GRK5: variants seen among roughly 807,000 people sequenced by gnomAD.
The protein encoded by GRK5 is G protein-coupled receptor kinase 5.
GRK5 carries 40 observed loss-of-function variants against 78.4 expected under a neutral mutation model. The observed-to-expected ratio is 0.51, with a 90% CI of 0.40 to 0.66. The LOEUF is 0.66. Ranked by LOEUF, GRK5 falls within the 30% of genes least tolerant of loss-of-function variation. The pLI, the probability that GRK5 is intolerant of heterozygous loss-of-function variation, is 0.00. For missense variants in GRK5, 598 were observed against 759.9 expected, an observed-to-expected ratio of 0.79 and a Z score of 2.50; for synonymous variants, 289 against 296.8, an observed-to-expected ratio of 0.97 and a Z score of 0.27.
chr10:119,292,595 G>A (rs1047833484), intron 1 of GRK5, among the ~76,000 whole-genome samples: 1 of 152,206 alleles, frequency 6.6e-6, no homozygotes. Context: ...GAGGGACAAG[G>A]CTCTCCAATC....
In GRK5 at chr10:119,457,161, A is replaced by C. The variant is rs967911163; in HGVS notation, c.*2094A>C. The C allele has an allele frequency of 6.6e-6, 1 of 152,084 alleles. No individual in the cohort carries two copies. Among genetic ancestry groups the C allele is most frequent in the Non-Finnish European group, 1.5e-5 (1 of 68,002 alleles). The allele number at this position is 152,084 out of a possible 1,614,324, so 9.4% of individuals were successfully genotyped here. A position where few individuals can be genotyped will look rare whatever the true frequency, so the allele number is the denominator to read the frequency against. ...CTTGCTGAACTTCCTTTTTCAATGA[A>C]AAGAAGGACCATCATCCTAGGATGG... On this transcript the variant is annotated 3_prime_UTR_variant, in exon 16 of 16. Coordinates refer to ENST00000392870, the MANE Select transcript of GRK5 (RefSeq NM_005308.3).
rs193159977 is a variant in GRK5 at position 119,383,686 on chromosome 10, C to T, written c.261+2759C>T. On this transcript the variant is annotated intron_variant, in intron 3 of 15. Coordinates refer to ENST00000392870, the MANE Select transcript of GRK5 (RefSeq NM_005308.3). ...AGTCATTATCCTGACTGATGCTCATCGTCTCATCAGTGGCTAGTGGGGGCC... is the reference window on the plus strand; with the variant it reads ...AGTCATTATCCTGACTGATGCTCATTGTCTCATCAGTGGCTAGTGGGGGCC... 1.7e-3 allele frequency among the ~76,000 whole-genome samples: 261 copies of T among 152,328 alleles called. 1 individual carries two copies. The highest frequency in any genetic ancestry group is 0.014 in the Middle Eastern group (4 of 294).
At position 119,244,823 on chromosome 10, in the gene GRK5, CTTG is replaced by C. The variant is rs202133748; in HGVS notation, c.52+36858_52+36860del. 4.7e-4 allele frequency among the ~76,000 whole-genome samples: 72 copies of C among 152,266 alleles called. No homozygotes were observed. In the East Asian group the frequency reaches 0.013, roughly 28 times the overall value. On this transcript the variant is annotated intron_variant, in intron 1 of 15. Transcript: ENST00000392870. The stretch of plus-strand genomic sequence containing the variant: ...ATATTATAATAAAAACAAAAAATAA[CTTG>C]TTGATGAAGATGTGGAGAAATGGGA...
chr10:119,302,297 T>C (rs1366131700), intron 1 of GRK5, among the ~76,000 whole-genome samples: 1 of 152,230 alleles, frequency 6.6e-6, no homozygotes, highest in East Asian at 1.9e-4. Flanking sequence ...AAAATGTGAC[T>C]TTGTGCAAGT....
At chr10:119,365,752 G>A (rs1332334574) in intron 2 of GRK5, among the ~76,000 whole-genome samples, 1 of 152,208 alleles carries the variant, frequency 6.6e-6, no homozygotes, top group East Asian at 1.9e-4. Flanking sequence ...CTATGACTAT[G>A]TTCCCCTCAA....
At chr10:119,347,602 G>A (rs1851118974) in intron 2 of GRK5, among the ~76,000 whole-genome samples, 1 of 152,268 alleles carries the variant, frequency 6.6e-6, no homozygotes, top group East Asian at 1.9e-4. Flanking sequence ...CTGGAGACAA[G>A]GCCGGGACGG....
chr10:119,418,117 G>T (rs1052482427), intron 4 of GRK5, among the ~76,000 whole-genome samples: 4 of 152,208 alleles, frequency 2.6e-5, no homozygotes, highest in Non-Finnish European at 5.9e-5. Context: ...GGCAGCCTTG[G>T]CTCCCCTGGC....
At chr10:119,454,595 C>T (rs949810916) in intron 15 of GRK5, among the ~76,000 whole-genome samples, 3 of 152,188 alleles carry the variant, frequency 2.0e-5, no homozygotes, top group Admixed American at 6.5e-5. Context: ...CCACCCTGTG[C>T]GGAAGCTGCT....
At position 119,443,732 on chromosome 10, in the gene GRK5, G is replaced by C. The variant is rs541514702; in HGVS notation, c.1246G>C (p.Ala416Pro). 1 of 1,602,184 alleles carries C rather than the reference G, an allele frequency of 6.2e-7. No homozygotes were observed. Among genetic ancestry groups the C allele is most frequent in the Non-Finnish European group, 8.5e-7 (1 of 1,171,170 alleles). Residue 416 changes from alanine (A) to proline (P), a missense_variant, in exon 12 of 16, where the codon GCC becomes CCC. Ala to Pro is a conservative substitution (Grantham distance 27, BLOSUM62 -1). Coordinates refer to ENST00000392870, the MANE Select transcript of GRK5 (RefSeq NM_005308.3). Reference protein sequence around the residue: ...EVYSHKFSEEAKSICKMLLTK... With the variant: ...EVYSHKFSEEPKSICKMLLTK... ...GTACTCCCACAAGTTCTCCGAGGAG[G>C]CCAAGTCCATCTGCAAGATGGTGAG...
intron 3 of GRK5, among the ~76,000 whole-genome samples, chr10:119,395,009 A>C (rs1168862789): frequency 2.6e-5 from 4 of 151,028 alleles, no homozygotes; most frequent in Non-Finnish European, 2.9e-5. Context: ...GCTCATCTTG[A>C]TGTGGAAGAG....
intron 4 of GRK5, among the ~76,000 whole-genome samples, chr10:119,411,931 A>G (rs1044531600): frequency 7.0e-6 from 1 of 143,192 alleles, no homozygotes; most frequent in Admixed American, 7.6e-5. Flanking sequence ...GCTCACAGCA[A>G]CCTCCACCTC....
chr10:119,285,132 C>T (rs775155080), intron 1 of GRK5, among the ~76,000 whole-genome samples: 2 of 152,154 alleles, frequency 1.3e-5, no homozygotes, highest in African/African-American at 2.4e-5. Flanking sequence ...AGTCATCAGA[C>T]CTATACATCA....
chr10:119,325,999 A>G (rs1014750029), intron 1 of GRK5, among the ~76,000 whole-genome samples: 1 of 152,170 alleles, frequency 6.6e-6, no homozygotes, highest in Non-Finnish European at 1.5e-5. Flanking sequence ...GTGAGGAGCA[A>G]GAAGAAGGCG....
chr10:119,359,792 A>G (rs1252096211), intron 2 of GRK5, among the ~76,000 whole-genome samples: 1 of 152,192 alleles, frequency 6.6e-6, no homozygotes, highest in Non-Finnish European at 1.5e-5. Flanking sequence ...AGTTTCTGCC[A>G]TCCCTGTGTT....
intron 1 of GRK5, among the ~76,000 whole-genome samples, chr10:119,312,462 C>T (rs75994835): frequency 0.056 from 8,561 of 152,238 alleles, 312 homozygotes; most frequent in African/African-American, 0.096. Context: ...GAGCCCAATC[C>T]GGCCACTGCC....
chr10:119,453,411 A>G, intron 15 of GRK5, 135 bp downstream of exon 15: 1 of 997,202 alleles, frequency 1.0e-6, no homozygotes, highest in South Asian at 1.5e-5. Flanking sequence ...TTGGAAGGGC[A>G]ACTGATTATG....
At chr10:119,316,741 G>A (rs896986651) in intron 1 of GRK5, among the ~76,000 whole-genome samples, 2 of 152,194 alleles carry the variant, frequency 1.3e-5, no homozygotes, top group African/African-American at 4.8e-5. Context: ...GCACATTGGT[G>A]TGTGATTACC....
At chr10:119,285,021 C>T (rs1214908941) in intron 1 of GRK5, among the ~76,000 whole-genome samples, 1 of 152,196 alleles carries the variant, frequency 6.6e-6, no homozygotes, top group Non-Finnish European at 1.5e-5. Context: ...GAGCCCAGAA[C>T]AGGTACGATG....
intron 1 of GRK5, among the ~76,000 whole-genome samples, chr10:119,242,615 C>T (rs540443200): frequency 1.1e-4 from 17 of 150,948 alleles, no homozygotes; most frequent in African/African-American, 3.9e-4. Flanking sequence ...AATTGTAACC[C>T]CCATAATCTC....
Sources: gnomAD v4.1 joint callset for allele counts (sites outside exome capture counted in the v4.1 genomes callset) on GRCh38, gnomAD v4.1.1 for gene constraint, MANE v1.5 for transcripts, NCBI Gene and HGNC (gene_info 2026-07-23, HGNC 2026-07-21) for gene names.